Variants in EIF4H observed in about 807,000 individuals in gnomAD.
EIF4H encodes Williams-Beuren syndrome chromosome region 1.
EIF4H carries 8 observed loss-of-function variants against 30.6 expected under a neutral mutation model. The observed-to-expected ratio is 0.26, with a 90% confidence interval of 0.15 to 0.47. The LOEUF (loss-of-function observed/expected upper bound fraction) is 0.47, where lower values mean the gene tolerates loss of function less well. Among genes scored for constraint, EIF4H ranks in the 20% least tolerant of loss-of-function variants. The pLI is 0.99. For synonymous variants in EIF4H, 106 were observed against 122.7 expected, an observed-to-expected ratio of 0.86 and a Z score of 0.90; for missense variants, 188 against 339.5, an observed-to-expected ratio of 0.55 and a Z score of 3.51.
At chr7:74,176,679 A>G (rs1224121482) in intron 1 of EIF4H, among the ~76,000 whole-genome samples, 1 of 152,182 alleles carries the variant, frequency 6.6e-6, no homozygotes, top group Non-Finnish European at 1.5e-5. Flanking sequence ...TTTATTTCGT[A>G]GTTGTGTTTA....
chr7:74,177,797 GTC>G (rs1198829450), intron 1 of EIF4H, among the ~76,000 whole-genome samples: 65 of 152,168 alleles, frequency 4.3e-4, no homozygotes, highest in African/African-American at 1.5e-3. Context: ...TTGCTAAGAG[GTC>G]TCTGCATGAC....
chr7:74,175,008 G>T (rs116127164), intron 1 of EIF4H, among the ~76,000 whole-genome samples: 3,769 of 152,346 alleles, frequency 0.025, 163 homozygotes, highest in African/African-American at 0.085. Context: ...ACTCCTTGCG[G>T]GCGGGGGGAG....
At position 74,189,654 on chromosome 7, in the gene EIF4H, G is replaced by T. The variant is rs781981604; in HGVS notation, c.248-19G>T. 6.2e-7 allele frequency: 1 copy of T among 1,612,242 alleles called. No individual in the cohort carries two copies. Among genetic ancestry groups the T allele is most frequent in the South Asian group, 1.1e-5 (1 of 90,800 alleles). On this transcript the variant is annotated intron_variant, in intron 2 of 6. Transcript: ENST00000265753. ...CCCAGAATTACTTGAGGAAATCGGG[G>T]TCTTCTTTTCTTTTCCAGGATTCTG...
At chr7:74,179,588 C>T (rs1475641986) in intron 1 of EIF4H, among the ~76,000 whole-genome samples, 7 of 150,792 alleles carry the variant, frequency 4.6e-5, no homozygotes, top group Non-Finnish European at 1.0e-4. Flanking sequence ...GCCCAGATTG[C>T]GCCACTGCAC....
chr7:74,187,562 G>A, intron 1 of EIF4H, 49 bp from the exon 2 acceptor site: 1 of 1,460,956 alleles, frequency 6.8e-7, no homozygotes, highest in Non-Finnish European at 9.1e-7. Flanking sequence ...TACTTGTTTT[G>A]CTTATTCCAC....
intron 1 of EIF4H, among the ~76,000 whole-genome samples, chr7:74,182,679 C>T (rs748705387): frequency 4.9e-4 from 75 of 152,336 alleles, no homozygotes; most frequent in African/African-American, 1.5e-3. Flanking sequence ...GACTACAGGC[C>T]GGAGCCACAT....
chr7:74,186,148 C>T (rs1056401780), intron 1 of EIF4H, among the ~76,000 whole-genome samples: 9 of 151,972 alleles, frequency 5.9e-5, no homozygotes, highest in Admixed American at 2.0e-4. Context: ...TCACTTCTAA[C>T]GACTTTAAGT....
chr7:74,186,781 A>G (rs1801089336), intron 1 of EIF4H, among the ~76,000 whole-genome samples: 1 of 129,312 alleles, frequency 7.7e-6, no homozygotes. Flanking sequence ...TCAGGCAACA[A>G]GGAGAAATTT....
At chr7:74,190,125 C>G (rs1801170534) in intron 4 of EIF4H, 122 bp from the exon 5 acceptor site, 1 of 1,169,158 alleles carries the variant, frequency 8.6e-7, no homozygotes, top group Admixed American at 2.5e-5. Context: ...AGCAAAAGCT[C>G]TTAAAATGAT....
rs1312930798 is a variant in EIF4H, at chr7:74,184,688, T to C, written c.60-2923T>C. Among the ~76,000 whole-genome samples the C allele has an allele frequency of 1.2e-4, 18 of 152,066 alleles. 1 individual carries two copies. Among genetic ancestry groups the C allele is most frequent in the African/African-American group, 3.4e-4 (14 of 41,390 alleles). ...TTTTGTTGTTGTTTTTTGTGCTTTTTTGTTTGTTTTTTGTGTTTTTTTGTT... is the reference window on the plus strand; with the variant it reads ...TTTTGTTGTTGTTTTTTGTGCTTTTCTGTTTGTTTTTTGTGTTTTTTTGTT... On this transcript the variant is annotated intron_variant, in intron 1 of 6. Transcript: ENST00000265753.
Position 74,191,514 on chromosome 7 carries a change from A to G in EIF4H, c.469+1208A>G, listed in dbSNP as rs889792482. Reference sequence around the variant, plus strand: ...GTGTTTTGGTGACATCTCAAACCCTATGTGGGCTCACTCGATGGAGTAATG... The same window carrying G: ...GTGTTTTGGTGACATCTCAAACCCTGTGTGGGCTCACTCGATGGAGTAATG... On this transcript the variant is annotated intron_variant, in intron 5 of 6. Coordinates refer to ENST00000265753, the MANE Select transcript of EIF4H (RefSeq NM_022170.2). Among the ~76,000 whole-genome samples, 6 of 152,120 alleles carry G rather than the reference A, an allele frequency of 3.9e-5. No homozygotes were observed. The East Asian group carries it at 7.7e-4, about 20-fold the overall frequency.
rs1554709745 is a variant in EIF4H, at chr7:74,190,307, G to C, written c.469+1G>C. On this transcript the variant is annotated splice_donor_variant, in intron 5 of 6. Coordinates refer to ENST00000265753, the MANE Select transcript of EIF4H (RefSeq NM_022170.2). LOFTEE classifies it high-confidence loss of function. ...GATTCCCGGGATGACTTCAATTCTGGTATCAGTATTTAAAGTATCACCACT... is the reference window on the plus strand; with the variant it reads ...GATTCCCGGGATGACTTCAATTCTGCTATCAGTATTTAAAGTATCACCACT... 1.2e-6 allele frequency: 2 copies of C among 1,614,076 alleles called. No individual in the cohort carries two copies. The highest frequency in any genetic ancestry group is 2.2e-5 in the East Asian group (1 of 44,890).
chr7:74,189,663 T>G lies in EIF4H; in HGVS notation c.248-10T>G. 6.2e-7 allele frequency: 1 copy of G among 1,612,980 alleles called. No homozygotes were observed. The highest frequency in any genetic ancestry group is 8.5e-7 in the Non-Finnish European group (1 of 1,179,858). On this transcript the variant is annotated splice_polypyrimidine_tract_variant and intron_variant, in intron 2 of 6. Coordinates refer to ENST00000265753, the MANE Select transcript of EIF4H (RefSeq NM_022170.2). ...ACTTGAGGAAATCGGGGTCTTCTTT[T>G]CTTTTCCAGGATTCTGCTATGTAGA...
chr7:74,182,174 A>G (rs1044569643), intron 1 of EIF4H, among the ~76,000 whole-genome samples: 19 of 152,226 alleles, frequency 1.2e-4, no homozygotes, highest in African/African-American at 4.3e-4. Context: ...AACATTACAG[A>G]AAAATGTAGA....
chr7:74,186,073 GTA>G (rs1185666925), intron 1 of EIF4H, among the ~76,000 whole-genome samples: 1 of 152,132 alleles, frequency 6.6e-6, no homozygotes, highest in Non-Finnish European at 1.5e-5. Context: ...AATCCTTGCT[GTA>G]TACCGGCACA....
Position 74,195,519 on chromosome 7 carries a change from G to A in EIF4H, c.*211G>A, listed in dbSNP as rs1483283060. ...GTATCTATCTAGTGCCTGTTTGTGC[G>A]TTTTTTTCTTTCTTCCGCTGCTTCC... On this transcript the variant is annotated 3_prime_UTR_variant, in exon 7 of 7. Coordinates refer to ENST00000265753, the MANE Select transcript of EIF4H (RefSeq NM_022170.2). 40 of 440,498 alleles carry A rather than the reference G, an allele frequency of 9.1e-5. No individual in the cohort carries two copies. The highest frequency in any genetic ancestry group is 3.1e-4 in the African/African-American group (15 of 48,952). 27.3% of individuals were successfully genotyped at this position (440,498 alleles called of 1,614,324 possible).
intron 5 of EIF4H, among the ~76,000 whole-genome samples, chr7:74,192,427 T>A (rs1554710090): frequency 6.6e-6 from 1 of 152,138 alleles, no homozygotes; most frequent in African/African-American, 2.4e-5. Context: ...CTTGGTTTGT[T>A]AAAATTTATT....
intron 1 of EIF4H, among the ~76,000 whole-genome samples, chr7:74,186,526 A>T (rs1178488107): frequency 2.0e-5 from 3 of 152,170 alleles, no homozygotes; most frequent in Non-Finnish European, 4.4e-5. Flanking sequence ...AGCTTAGAGA[A>T]GTTGAATAAC....
chr7:74,195,043 T>C, intron 6 of EIF4H, 126 bp from the exon 7 acceptor site: 2 of 1,524,814 alleles, frequency 1.3e-6, no homozygotes, highest in South Asian at 1.3e-5. Flanking sequence ...GCATCTGCTG[T>C]TGGGGTAGCA....
Sources: gnomAD v4.1 joint callset for allele counts (sites outside exome capture counted in the v4.1 genomes callset) on GRCh38, gnomAD v4.1.1 for gene constraint, MANE v1.5 for transcripts, NCBI Gene and HGNC (gene_info 2026-07-23, HGNC 2026-07-21) for gene names.